Variants in ZNF75D observed in about 807,000 individuals in gnomAD.
ZNF75D encodes zinc finger protein 75D.
Under a neutral mutation model 33.3 loss-of-function variants are expected in ZNF75D, and 33 were observed. That is an observed-to-expected ratio of 0.99 (90% CI 0.75 to 1.32). The LOEUF is 1.32. ZNF75D is among the 40% of genes most tolerant of loss of function. The pLI, the probability that ZNF75D is intolerant of heterozygous loss-of-function variation, is 0.00. For synonymous variants in ZNF75D, 113 were observed against 130.6 expected (o/e 0.87, Z 0.92); for missense variants, 338 against 367.5 (o/e 0.92, Z 0.66).
intron 1 of ZNF75D, among the ~76,000 whole-genome samples, chrX:135,302,793 A>G (rs2084235747): frequency 9.0e-6 from 1 of 111,202 alleles, no homozygotes; most frequent in Non-Finnish European, 1.9e-5. Flanking sequence ...AGGTGGAACA[A>G]GAGACTTGGA....
chrX:135,292,776 G>C (rs916223932), intron 3 of ZNF75D, among the ~76,000 whole-genome samples: 4 of 112,347 alleles, frequency 3.6e-5, no homozygotes, highest in Non-Finnish European at 5.6e-5. Context: ...TAGGCAGCCT[G>C]TTCCCCTGCT....
intron 1 of ZNF75D, among the ~76,000 whole-genome samples, chrX:135,258,414 G>A (rs911672160): frequency 3.6e-4 from 40 of 110,819 alleles, no homozygotes; most frequent in African/African-American, 1.2e-3. Flanking sequence ...TCCCATCAAC[G>A]TGTAAAAGTG....
intron 3 of ZNF75D, among the ~76,000 whole-genome samples, chrX:135,293,436 A>G (rs782240728): frequency 9.0e-6 from 1 of 111,190 alleles, no homozygotes; most frequent in East Asian, 2.8e-4. Flanking sequence ...CTCTTTTTCT[A>G]AGAACTCAAC....
rs2084797097 is a variant in ZNF75D, at chrX:135,342,551, TC to T, written c.-1175del. On this transcript the variant is annotated 5_prime_UTR_variant, in exon 1 of 7. The change creates a premature stop within an existing upstream ORF in the 5' untranslated region. Transcript: ENST00000370766. Reference sequence around the variant, plus strand: ...GAAAGCCCATTTCAGTACACACATGTCCCCCATAGGTCTTCGGTTCCTCCCC... The same window carrying T: ...GAAAGCCCATTTCAGTACACACATGTCCCCATAGGTCTTCGGTTCCTCCCC... 1 of 111,788 alleles carries T rather than the reference TC, an allele frequency of 8.9e-6. No individual in the cohort carries two copies. The highest frequency in any genetic ancestry group is 9.5e-5 in the Admixed American group (1 of 10,569). The allele number at this position is 111,788 out of a possible 1,213,427, so 9.2% of individuals were successfully genotyped here. A position where few individuals can be genotyped will look rare whatever the true frequency, so the allele number is the denominator to read the frequency against.
At chrX:135,336,579 G>A (rs1421596846) in intron 1 of ZNF75D, among the ~76,000 whole-genome samples, 1 of 111,985 alleles carries the variant, frequency 8.9e-6, no homozygotes, top group African/African-American at 3.2e-5. Flanking sequence ...CTGCAGTCAA[G>A]GGCTCAGTCC....
At chrX:135,337,232 T>C (rs2084723544) in intron 1 of ZNF75D, among the ~76,000 whole-genome samples, 1 of 112,638 alleles carries the variant, frequency 8.9e-6, no homozygotes, top group African/African-American at 3.2e-5. Flanking sequence ...ACAATGTATA[T>C]AATTTTTTCT....
chrX:135,272,287 T>C (rs1050688985), intron 1 of ZNF75D, among the ~76,000 whole-genome samples: 4 of 101,147 alleles, frequency 4.0e-5, no homozygotes, highest in Non-Finnish European at 8.0e-5. Context: ...TGCTGGTCTC[T>C]GGGGTGTGAG....
At chrX:135,315,366 C>A (rs2084407149) in intron 1 of ZNF75D, among the ~76,000 whole-genome samples, 1 of 111,941 alleles carries the variant, frequency 8.9e-6, no homozygotes, top group Non-Finnish European at 1.9e-5. Flanking sequence ...CTAACATATA[C>A]TCTATCCTGG....
chrX:135,282,342 C>A (rs782619137), downstream of ZNF75D, among the ~76,000 whole-genome samples: 4 of 111,649 alleles, frequency 3.6e-5, no homozygotes, highest in Non-Finnish European at 5.6e-5. Context: ...CCCCTCCCCC[C>A]ATCAAGCTCG....
In ZNF75D at chrX:135,259,838, G is replaced by A. The variant is rs782564839; in HGVS notation, n.828-4061C>T. Among the ~76,000 whole-genome samples the A allele has an allele frequency of 5.4e-5, 6 of 112,096 alleles. No homozygotes were observed. In the Admixed American group the frequency reaches 5.7e-4, roughly 11 times the overall value. ...AGAACTTCCAACGCTATGTTGAATA[G>A]GAGTGGTGAGAAAGGGCATACTTGT... is the stretch of plus-strand genomic sequence containing the variant. On this transcript the variant is annotated intron_variant and non_coding_transcript_variant, in intron 1 of 3. Coordinates refer to the ZNF75D transcript ENST00000494295.
chrX:135,321,852 A>C (rs957386689), intron 1 of ZNF75D, among the ~76,000 whole-genome samples: 2 of 112,240 alleles, frequency 1.8e-5, no homozygotes, highest in Non-Finnish European at 3.8e-5. Context: ...CTTCGGTAAT[A>C]GATCTGGCTG....
chrX:135,306,541 A>AT (rs1411197777), intron 1 of ZNF75D, among the ~76,000 whole-genome samples: 1 of 111,551 alleles, frequency 9.0e-6, no homozygotes, highest in Non-Finnish European at 1.9e-5. Flanking sequence ...AATCCTTCGC[A>AT]TTTTTTCCAG....
intron 2 of ZNF75D, chrX:135,253,680 G>T (rs1326040857): frequency 3.9e-6 from 1 of 256,372 alleles, no homozygotes. Context: ...ATCCTAACAC[G>T]CTGTGCAGGG....
At chrX:135,263,232 C>T in intron 1 of ZNF75D, among the ~76,000 whole-genome samples, 1 of 112,850 alleles carries the variant, frequency 8.9e-6, no homozygotes, top group Non-Finnish European at 1.9e-5. Flanking sequence ...TCTGTCGGCC[C>T]CTACTGGGAG....
chrX:135,331,060 G>C (rs951032795), intron 1 of ZNF75D, among the ~76,000 whole-genome samples: 3 of 111,881 alleles, frequency 2.7e-5, no homozygotes, highest in Non-Finnish European at 1.9e-5. Flanking sequence ...AGATATTTGA[G>C]AATAATGAAC....
chrX:135,265,929 A>G (rs1458370950), intron 1 of ZNF75D, among the ~76,000 whole-genome samples: 1 of 112,373 alleles, frequency 8.9e-6, no homozygotes, highest in East Asian at 2.8e-4. Flanking sequence ...GGACAGTAGA[A>G]TAAGACATAA....
chrX:135,306,710 T>C (rs1444689925), intron 1 of ZNF75D, among the ~76,000 whole-genome samples: 3 of 112,525 alleles, frequency 2.7e-5, no homozygotes, highest in Admixed American at 9.4e-5. Context: ...TAAAATGTTA[T>C]GTGAATATTC....
chrX:135,276,306 A>C (rs1255317852), intron 1 of ZNF75D, among the ~76,000 whole-genome samples: 1 of 111,938 alleles, frequency 8.9e-6, no homozygotes, highest in African/African-American at 3.3e-5. Flanking sequence ...AAATAAAATC[A>C]TACTTTTTTT....
chrX:135,282,763 C>G (rs2083924979), downstream of ZNF75D, among the ~76,000 whole-genome samples: 1 of 110,774 alleles, frequency 9.0e-6, no homozygotes, highest in Non-Finnish European at 1.9e-5. Context: ...ACCCCTTGTA[C>G]TTCCCGGGTA....
Sources: allele counts gnomAD v4.1 joint callset (sites outside exome capture counted in the v4.1 genomes callset), GRCh38; gene constraint gnomAD v4.1.1; transcripts MANE v1.5; gene names NCBI Gene and HGNC (gene_info 2026-07-23, HGNC 2026-07-21).